Variants in ARFGEF2 observed in about 807,000 individuals in gnomAD.
ARFGEF2 encodes the protein brefeldin A-inhibited guanine nucleotide-exchange protein 2.
A neutral mutation model predicts 219.9 loss-of-function variants in ARFGEF2; 74 were observed. The ratio of observed to expected loss-of-function variants is 0.34; its 90% CI spans 0.28 to 0.41. The LOEUF (loss-of-function observed/expected upper bound fraction) is 0.41, where lower values mean the gene tolerates loss of function less well. ARFGEF2 is among the 10% of genes least tolerant of loss of function. ARFGEF2 has a pLI of 1.00. For synonymous variants in ARFGEF2, 733 were observed against 799.2 expected (o/e 0.92, Z 1.40); for missense variants, 1,743 against 2,218.3 (o/e 0.79, Z 4.30).
intron 33 of ARFGEF2, among the ~76,000 whole-genome samples, chr20:49,018,295 C>A (rs1003437822): frequency 6.6e-6 from 1 of 152,046 alleles, no homozygotes; most frequent in African/African-American, 2.4e-5. Flanking sequence ...TGCAGCAGTG[C>A]GATCTCGGCT....
rs765860851 is a variant in ARFGEF2, at chr20:48,952,834, A to G, written c.553A>G (p.Thr185Ala). ...CATCAATCAAACCACTGCCAAGGCT[A>G]CCCTTACTCAGATGCTGAACGTCAT... ...NLINQTTAKATLTQMLNVIFT... is the reference protein window; with the variant it reads ...NLINQTTAKAALTQMLNVIFT... The change falls in exon 5 of 39, where the codon ACC becomes GCC. Residue 185 changes from threonine to alanine, a missense_variant. By Grantham distance (58) the Thr-to-Ala change is moderately conservative (BLOSUM62 0). Around this residue, in one of 5 missense-constraint regions of ARFGEF2, gnomAD observed 394 missense variants for 426.6 expected, o/e 0.92. Coordinates refer to ENST00000371917, the MANE Select transcript of ARFGEF2 (RefSeq NM_006420.3). The G allele has an allele frequency of 6.2e-7, 1 of 1,614,244 alleles. No individual in the cohort carries two copies. Among genetic ancestry groups the G allele is most frequent in the Admixed American group, 1.7e-5 (1 of 60,022 alleles).
rs555303994 is a variant in ARFGEF2, at chr20:49,028,450, A to G, written c.4925-80A>G. The G allele has an allele frequency of 2.1e-5, 30 of 1,433,298 alleles. No homozygotes were observed. The South Asian group carries it at 3.4e-4, about 16-fold the overall frequency. The allele number at this position is 1,433,298 out of a possible 1,614,324, so 88.8% of individuals were successfully genotyped here. ...AAACAGATGTTTCATATTTCATAAA[A>G]TAACTAGATTTCTAGTCATACACAG... On this transcript the variant is annotated intron_variant, in intron 36 of 38. Coordinates refer to ENST00000371917, the MANE Select transcript of ARFGEF2 (RefSeq NM_006420.3).
At chr20:48,974,423 A>G (rs997711369) in intron 12 of ARFGEF2, among the ~76,000 whole-genome samples, 2 of 151,974 alleles carry the variant, frequency 1.3e-5, no homozygotes, top group Admixed American at 6.6e-5. Flanking sequence ...AGATCTTGTT[A>G]TTTTTTTAAA....
At chr20:49,006,943 G>A (rs2091464560) in intron 26 of ARFGEF2, among the ~76,000 whole-genome samples, 1 of 151,640 alleles carries the variant, frequency 6.6e-6, no homozygotes, top group South Asian at 2.1e-4. Context: ...GCCTCCCAAA[G>A]TGCTGGGATT....
chr20:49,013,753 C>T, intron 29 of ARFGEF2, 59 bp downstream of exon 29: 2 of 1,614,032 alleles, frequency 1.2e-6, no homozygotes, highest in Non-Finnish European at 1.7e-6. Flanking sequence ...CAGTCACTTG[C>T]TCACCTGACC....
intron 14 of ARFGEF2, among the ~76,000 whole-genome samples, chr20:48,977,085 G>A (rs2091266928): frequency 2.0e-5 from 3 of 151,870 alleles, no homozygotes; most frequent in Admixed American, 6.6e-5. Flanking sequence ...CCATTAACTC[G>A]TCATTTACAT....
rs1014634401 is a variant in ARFGEF2, at chr20:49,002,192, C to T, written c.3433-2878C>T. On this transcript the variant is annotated intron_variant, in intron 25 of 38. Transcript: ENST00000371917. Reference sequence around the variant, plus strand: ...GGTGGAGGTTGCAGTGAGCAGAGATCGTGCCATTGCACACCAGTCTGGGTG... The same window carrying T: ...GGTGGAGGTTGCAGTGAGCAGAGATTGTGCCATTGCACACCAGTCTGGGTG... Among the ~76,000 whole-genome samples, 72 of 152,156 alleles carry T rather than the reference C, an allele frequency of 4.7e-4. 1 individual carries two copies. The highest frequency in any genetic ancestry group is 1.9e-4 in the East Asian group (1 of 5,192).
At chr20:48,981,959 AGTG>A in intron 14 of ARFGEF2, among the ~76,000 whole-genome samples, 1 of 152,230 alleles carries the variant, frequency 6.6e-6, no homozygotes, top group South Asian at 2.1e-4. Flanking sequence ...GTTTGTTATT[AGTG>A]ACTTTCTGAA....
intron 3 of ARFGEF2, among the ~76,000 whole-genome samples, chr20:48,945,571 A>G (rs1003586862): frequency 4.6e-5 from 7 of 152,210 alleles, no homozygotes; most frequent in Admixed American, 4.6e-4. Context: ...TCTTTTTAGA[A>G]TGGAAGTTCT....
chr20:48,949,087 A>G (rs2091049083), intron 3 of ARFGEF2, among the ~76,000 whole-genome samples: 1 of 152,002 alleles, frequency 6.6e-6, no homozygotes, highest in South Asian at 2.1e-4. Context: ...GGATACAGGA[A>G]CTCTCCTTTC....
rs776564346 is a variant in ARFGEF2 at position 48,952,691 on chromosome 20, G to A, written c.424-14G>A. On this transcript the variant is annotated splice_polypyrimidine_tract_variant and intron_variant, in intron 4 of 38. Coordinates refer to ENST00000371917, the MANE Select transcript of ARFGEF2 (RefSeq NM_006420.3). ...TGCGTTCCTGATGGTGAAGGTCGCG[G>A]ATTTCTATTTTAGGCTCTTCTGACT... 8 of 1,614,162 alleles carry A rather than the reference G, an allele frequency of 5.0e-6. No homozygotes were observed. Among genetic ancestry groups the A allele is most frequent in the South Asian group, 4.4e-5 (4 of 91,084 alleles).
At chr20:49,028,487 ATCT>A in intron 36 of ARFGEF2, 40 bp from the exon 37 acceptor site, 1 of 1,591,640 alleles carries the variant, frequency 6.3e-7, no homozygotes, top group South Asian at 1.1e-5. Context: ...TATCAGCATT[ATCT>A]TAGAAATGTG....
At chr20:48,970,669 T>G (rs1003852940) in intron 9 of ARFGEF2, among the ~76,000 whole-genome samples, 3 of 152,170 alleles carry the variant, frequency 2.0e-5, no homozygotes, top group Non-Finnish European at 4.4e-5. Context: ...AAATAGTTCA[T>G]GAAAATGTAC....
Position 48,969,429 on chromosome 20 carries a change from T to C in ARFGEF2, c.1190+152T>C, listed in dbSNP as rs373958478. On this transcript the variant is annotated intron_variant, in intron 9 of 38. Transcript: ENST00000371917. ...ACGGTTTTACAACTTTTCAGACTCA[T>C]GCAGTCTCTAGAGTCCTTTCATATG... 69 of 1,419,994 alleles carry C rather than the reference T, an allele frequency of 4.9e-5. No homozygotes were observed. The East Asian group carries it at 9.8e-4, about 20-fold the overall frequency. 88.0% of individuals were successfully genotyped at this position (1,419,994 alleles called of 1,614,324 possible).
At chr20:48,945,232 A>G (rs547540821) in intron 3 of ARFGEF2, among the ~76,000 whole-genome samples, 4 of 152,298 alleles carry the variant, frequency 2.6e-5, no homozygotes, top group South Asian at 2.1e-4. Flanking sequence ...GGGGGACACA[A>G]ACTTTCAGTC....
intron 14 of ARFGEF2, among the ~76,000 whole-genome samples, chr20:48,982,206 T>C (rs2091300191): frequency 6.6e-6 from 1 of 152,190 alleles, no homozygotes; most frequent in African/African-American, 2.4e-5. Context: ...TGCTATTCCT[T>C]TCTGTTTGTA....
At chr20:48,939,862 G>A (rs558016621) in intron 1 of ARFGEF2, among the ~76,000 whole-genome samples, 100 of 152,280 alleles carry the variant, frequency 6.6e-4, no homozygotes, top group Non-Finnish European at 1.1e-3. Flanking sequence ...CTTCAGTACC[G>A]TGTCCTGGGG....
intron 30 of ARFGEF2, 107 bp from the exon 31 acceptor site, chr20:49,016,173 A>G (rs2091528544): frequency 8.8e-7 from 1 of 1,135,560 alleles, no homozygotes; most frequent in African/African-American, 1.5e-5. Context: ...TATTCTTGAT[A>G]CATATCACCA....
At position 49,022,154 on chromosome 20, in the gene ARFGEF2, C is replaced by CAAAA. The variant is rs58870256; in HGVS notation, c.4625-878_4625-875dup. ...AGGGTGACAAAGCGAGACTCCGTCT[C>CAAAA]AAAAAAAAAAAAAAAAAAAAAATGT... On this transcript the variant is annotated intron_variant, in intron 34 of 38. Coordinates refer to ENST00000371917, the MANE Select transcript of ARFGEF2 (RefSeq NM_006420.3). Among the ~76,000 whole-genome samples the CAAAA allele has an allele frequency of 5.3e-4, 37 of 70,042 alleles. 1 individual carries two copies. The highest frequency in any genetic ancestry group is 1.1e-3 in the African/African-American group (21 of 19,210). The allele number at this position is 70,042 out of a possible 152,430, so 46.0% of individuals were successfully genotyped here. A position where few individuals can be genotyped will look rare whatever the true frequency, so the allele number is the denominator to read the frequency against.
Sources: allele counts gnomAD v4.1 joint callset (sites outside exome capture counted in the v4.1 genomes callset), GRCh38; gene constraint gnomAD v4.1.1; regional missense constraint gnomAD v4.1.1; transcripts MANE v1.5; gene names NCBI Gene and HGNC (gene_info 2026-07-23, HGNC 2026-07-21).